NFIL3: variants seen among roughly 807,000 people sequenced by gnomAD.
NFIL3 encodes the protein nuclear factor interleukin-3-regulated protein.
A neutral mutation model predicts 10.0 loss-of-function variants in NFIL3; 5 were observed. The observed-to-expected ratio is 0.50, with a 90% CI of 0.26 to 1.06. The LOEUF (loss-of-function observed/expected upper bound fraction) is 1.06, where lower values mean the gene tolerates loss of function less well. NFIL3 is among the 50% of genes least tolerant of loss of function. The pLI, the probability that NFIL3 is intolerant of heterozygous loss-of-function variation, is 0.13. For missense variants in NFIL3, 436 were observed against 547.6 expected (o/e 0.80, Z 2.03); for synonymous variants, 202 against 206.5 (o/e 0.98, Z 0.19).
chr9:91,470,070 C>G, the NFIL3 span, among the ~76,000 whole-genome samples: 25 of 152,244 alleles, frequency 1.6e-4, 1 homozygote, highest in African/African-American at 5.8e-4. Context: ...AGGATTCCCT[C>G]TTTTTCTGTT....
chr9:91,476,134 G>A, the NFIL3 span, among the ~76,000 whole-genome samples: 2 of 152,180 alleles, frequency 1.3e-5, no homozygotes, highest in African/African-American at 2.4e-5. Context: ...GATAATGTAA[G>A]GCTTTCTACC....
At chr9:91,456,021 T>G in the NFIL3 span, among the ~76,000 whole-genome samples, 1 of 152,212 alleles carries the variant, frequency 6.6e-6, no homozygotes, top group Non-Finnish European at 1.5e-5. Flanking sequence ...AAATTTCATG[T>G]AAGGGAAACC....
the NFIL3 span, among the ~76,000 whole-genome samples, chr9:91,463,303 C>T: frequency 6.6e-6 from 1 of 151,700 alleles, no homozygotes; most frequent in Admixed American, 6.6e-5. Flanking sequence ...GATATTTCTT[C>T]TTTGCCAACA....
the NFIL3 span, among the ~76,000 whole-genome samples, chr9:91,469,899 T>C: frequency 6.6e-6 from 1 of 151,858 alleles, no homozygotes; most frequent in South Asian, 2.1e-4. Context: ...TCATGGTGGA[T>C]AAGCTTTTTG....
At chr9:91,465,160 A>G in the NFIL3 span, among the ~76,000 whole-genome samples, 1 of 152,118 alleles carries the variant, frequency 6.6e-6, no homozygotes, top group East Asian at 1.9e-4. Context: ...GTTCTTAACC[A>G]TTATTACTTC....
the NFIL3 span, among the ~76,000 whole-genome samples, chr9:91,469,673 T>A: frequency 1.4e-4 from 22 of 152,344 alleles, no homozygotes; most frequent in Non-Finnish European, 3.1e-4. Context: ...GGGTTTGTCA[T>A]AAATAGCTCT....
chr9:91,427,861 G>A (rs1019073498), upstream of NFIL3, among the ~76,000 whole-genome samples: 9 of 151,950 alleles, frequency 5.9e-5, no homozygotes, highest in African/African-American at 2.2e-4. Context: ...GCCCAGGCTG[G>A]TCTCAAACTC....
intron 1 of NFIL3, among the ~76,000 whole-genome samples, chr9:91,415,623 C>CTTT (rs994764308): frequency 7.0e-6 from 1 of 142,762 alleles, no homozygotes; most frequent in Non-Finnish European, 1.5e-5. Context: ...ACTACTTCTT[C>CTTT]TTTTTTTTTT....
chr9:91,427,367 C>T (rs1833882602), upstream of NFIL3, among the ~76,000 whole-genome samples: 2 of 152,194 alleles, frequency 1.3e-5, no homozygotes, highest in Non-Finnish European at 2.9e-5. Flanking sequence ...GCCTACCTGG[C>T]AACCAAATTG....
At chr9:91,468,966 T>G in the NFIL3 span, among the ~76,000 whole-genome samples, 1 of 152,184 alleles carries the variant, frequency 6.6e-6, no homozygotes, top group Non-Finnish European at 1.5e-5. Context: ...AGTCAGCCAG[T>G]GATGTCTCCA....
At chr9:91,435,947 C>T in the NFIL3 span, among the ~76,000 whole-genome samples, 10 of 152,238 alleles carry the variant, frequency 6.6e-5, no homozygotes, top group African/African-American at 2.4e-4. Flanking sequence ...TTGTTGCAAG[C>T]AACACAGACC....
Position 91,409,625 on chromosome 9 carries a change from G to A in NFIL3, c.1110C>T (p.Ala370=), listed in dbSNP as rs1211467567. The A allele has an allele frequency of 6.2e-7, 1 of 1,614,176 alleles. No homozygotes were observed. The highest frequency in any genetic ancestry group is 2.2e-5 in the East Asian group (1 of 44,896). ...KRHFELEKHS[A]PSMVHSSLTP... ...TAAGAGAAGAATGTACCATACTTGG[G>A]GCACTATGCTTTTCGAGTTCGAAAT... The change falls in exon 2 of 2, where the codon GCC becomes GCT. Residue 370 remains alanine (A), a synonymous_variant. Transcript: ENST00000297689.
chr9:91,447,655 A>T, the NFIL3 span, among the ~76,000 whole-genome samples: 1 of 152,194 alleles, frequency 6.6e-6, no homozygotes, highest in Non-Finnish European at 1.5e-5. Context: ...TATTTATTCA[A>T]GTCCTTTAAC....
the NFIL3 span, among the ~76,000 whole-genome samples, chr9:91,472,835 G>T: frequency 6.6e-6 from 1 of 152,170 alleles, no homozygotes; most frequent in Non-Finnish European, 1.5e-5. Flanking sequence ...CCCCAGCTTT[G>T]TGGTTTTATC....
the NFIL3 span, among the ~76,000 whole-genome samples, chr9:91,440,762 A>G: frequency 0.39 from 58,867 of 151,820 alleles, 14,483 homozygotes; most frequent in African/African-American, 0.68. Context: ...CCTTTTACTC[A>G]TTGATTGCTT....
the NFIL3 span, among the ~76,000 whole-genome samples, chr9:91,478,315 T>C: frequency 2.6e-5 from 4 of 152,140 alleles, no homozygotes; most frequent in African/African-American, 9.7e-5. Context: ...CCTTTTCACA[T>C]AGTCCCATAT....
intron 1 of NFIL3, among the ~76,000 whole-genome samples, chr9:91,413,524 T>C (rs143470520): frequency 9.3e-4 from 142 of 152,352 alleles, no homozygotes; most frequent in Non-Finnish European, 1.6e-3. Context: ...GTGCTGGGAT[T>C]ACAGGCATGA....
the NFIL3 span, among the ~76,000 whole-genome samples, chr9:91,430,363 C>T: frequency 6.6e-5 from 10 of 152,136 alleles, no homozygotes; most frequent in African/African-American, 2.4e-4. Context: ...CCCATGCCTG[C>T]TGTAGACTTG....
chr9:91,458,049 A>G, the NFIL3 span, among the ~76,000 whole-genome samples: 1 of 151,982 alleles, frequency 6.6e-6, no homozygotes, highest in Admixed American at 6.6e-5. Flanking sequence ...TTTATATATC[A>G]GTGACTTAGA....
Sources: gnomAD v4.1 joint callset for allele counts (sites outside exome capture counted in the v4.1 genomes callset) on GRCh38, gnomAD v4.1.1 for gene constraint, MANE v1.5 for transcripts, NCBI Gene and HGNC (gene_info 2026-07-23, HGNC 2026-07-21) for gene names.